The following SLC25A2 variants were observed in gnomAD, a reference collection of about 807,000 sequenced individuals.
SLC25A2 encodes the protein mitochondrial ornithine transporter 2.
A neutral mutation model predicts 7.4 loss-of-function variants in SLC25A2; 6 were observed. The ratio of observed to expected loss-of-function variants is 0.82; its 90% CI spans 0.45 to 1.61. The LOEUF is 1.61. Among genes scored for constraint, SLC25A2 ranks in the 40% most tolerant of loss-of-function variants. The pLI is 0.01. For synonymous variants in SLC25A2, 158 were observed against 153.4 expected (o/e 1.03, Z -0.22); for missense variants, 356 against 377.3 (o/e 0.94, Z 0.47).
Position 141,303,064 on chromosome 5 carries a change from C to T in SLC25A2, c.802G>A (p.Gly268Arg), listed in dbSNP as rs1554296020. ...GCTCGAATCATAGTAGCTTTCAGTC[C>T]AGAATATAAGGCTACTATTCCTTCA... ...RNEGIVALYSGLKATMIRAIP... is the reference protein window; with the variant it reads ...RNEGIVALYSRLKATMIRAIP... Residue 268 changes from glycine to arginine, a missense_variant, in exon 1 of 1, where the codon GGA becomes AGA. Transcript: ENST00000239451. 1.2e-6 allele frequency: 2 copies of T among 1,614,152 alleles called. No individual in the cohort carries two copies. The highest frequency in any genetic ancestry group is 1.3e-5 in the African/African-American group (1 of 75,026).
chr5:141,302,754 C>T lies in SLC25A2; in HGVS notation c.*206G>A. The T allele has an allele frequency of 1.8e-6, 1 of 545,082 alleles. No individual in the cohort carries two copies. The highest frequency in any genetic ancestry group is 2.6e-5 in the South Asian group (1 of 37,956). 33.8% of individuals were successfully genotyped at this position (545,082 alleles called of 1,614,324 possible). A position where few individuals can be genotyped will look rare whatever the true frequency, so the allele number is the denominator to read the frequency against. On this transcript the variant is annotated 3_prime_UTR_variant, in exon 1 of 1. Transcript: ENST00000239451. The stretch of plus-strand genomic sequence containing the variant: ...CAGCAAGTGCAAGAGCAGCAACTTT[C>T]CTATTTCAATACAATTATGGGCAGA...
chr5:141,303,825 GTGA>G lies in SLC25A2; in HGVS notation c.38_40del (p.Leu13_Thr14delinsPro), dbSNP rs782484139. 5 of 1,614,220 alleles carry G rather than the reference GTGA, an allele frequency of 3.1e-6. No individual in the cohort carries two copies. Among genetic ancestry groups the G allele is most frequent in the Non-Finnish European group, 4.2e-6 (5 of 1,180,030 alleles). ...CGCTGTCCCCCCTGCGGCCCCCGCT[GTGA>G]GGTCGATGGCGGCTTGGATGCCAGG... On this transcript the variant is annotated inframe_deletion, in exon 1 of 1. Transcript: ENST00000239451.
chr5:141,304,020 G>A lies in SLC25A2; in HGVS notation c.-155C>T. Reference sequence around the variant, plus strand: ...GTTCTGGGCTCTCACCCCAGTGCGGGGGAAGCCGCTCAACCCTACGCTCCG... The same window carrying A: ...GTTCTGGGCTCTCACCCCAGTGCGGAGGAAGCCGCTCAACCCTACGCTCCG... On this transcript the variant is annotated 5_prime_UTR_variant, in exon 1 of 1. Coordinates refer to ENST00000239451, the MANE Select transcript of SLC25A2 (RefSeq NM_031947.4). 3 of 837,774 alleles carry A rather than the reference G, an allele frequency of 3.6e-6. No homozygotes were observed. Among genetic ancestry groups the A allele is most frequent in the Non-Finnish European group, 5.5e-6 (3 of 547,346 alleles). The allele number at this position is 837,774 out of a possible 1,614,324, so 51.9% of individuals were successfully genotyped here.
At position 141,303,613 on chromosome 5, in the gene SLC25A2, A is replaced by G; in HGVS notation, c.253T>C (p.Tyr85His). The change falls in exon 1 of 1, where the codon TAC becomes CAC. Residue 85 changes from tyrosine (Y) to histidine (H), a missense_variant. By Grantham distance (83) the Tyr-to-His change is moderately conservative. Transcript: ENST00000239451. ...VAENSVLFMCYGFCQQFVRKV... is the reference protein window; with the variant it reads ...VAENSVLFMCHGFCQQFVRKV... ...CTGACAAACTGCTGGCAGAACCCGT[A>G]GCACATGAAGAGGACCGAGTTTTCG... The G allele has an allele frequency of 6.2e-7, 1 of 1,614,188 alleles. No individual in the cohort carries two copies. Among genetic ancestry groups the G allele is most frequent in the Non-Finnish European group, 8.5e-7 (1 of 1,180,032 alleles).
Position 141,303,573 on chromosome 5 carries a change from A to G in SLC25A2, c.293T>C (p.Met98Thr). ...ATCACTCAGCTTTGCCTGCTTGTCC[A>G]TTCCAGCCACTTTCCTGACAAACTG... ...CQQFVRKVAG[M>T]DKQAKLSDLQ... Residue 98 changes from methionine (M) to threonine (T), a missense_variant, in exon 1 of 1, where the codon ATG becomes ACG. Transcript: ENST00000239451. The G allele has an allele frequency of 6.2e-7, 1 of 1,614,206 alleles. No individual in the cohort carries two copies. Among genetic ancestry groups the G allele is most frequent in the Non-Finnish European group, 8.5e-7 (1 of 1,180,036 alleles).
Position 141,302,838 on chromosome 5 carries a change from G to A in SLC25A2, c.*122C>T, listed in dbSNP as rs189362695. ...AAGTTAAGATTTAGGGTAGAAGAAGGGAAGATAAAACCAAAATTCCCATGA... is the reference window on the plus strand; with the variant it reads ...AAGTTAAGATTTAGGGTAGAAGAAGAGAAGATAAAACCAAAATTCCCATGA... On this transcript the variant is annotated 3_prime_UTR_variant, in exon 1 of 1. Transcript: ENST00000239451. 228 of 908,642 alleles carry A rather than the reference G, an allele frequency of 2.5e-4. No homozygotes were observed. In the African/African-American group the frequency reaches 3.5e-3, roughly 14 times the overall value. 56.3% of individuals were successfully genotyped at this position (908,642 alleles called of 1,614,324 possible).
In SLC25A2 at chr5:141,303,491, G is replaced by A; in HGVS notation, c.375C>T (p.Cys125=). The change falls in exon 1 of 1, where the codon TGC becomes TGT. Residue 125 remains cysteine (C), a synonymous_variant. Transcript: ENST00000239451. Reference sequence around the variant, plus strand: ...GCCGGCACTTCACAAGCTCAGTGGGGCAGAGAGCCAGTGCAGCAAATGCAG... The same window carrying A: ...GCCGGCACTTCACAAGCTCAGTGGGACAGAGAGCCAGTGCAGCAAATGCAG... ...FASAFAALAL[C]PTELVKCRLQ... The A allele has an allele frequency of 6.2e-7, 1 of 1,614,200 alleles. No individual in the cohort carries two copies. Among genetic ancestry groups the A allele is most frequent in the South Asian group, 1.1e-5 (1 of 91,086 alleles).
In SLC25A2 at chr5:141,304,045, G is replaced by C; in HGVS notation, c.-180C>G. ...GGGAAGCCGCTCAACCCTACGCTCCGCCGCGGGCCGCCCCCTCCCCGCGCA... is the reference window on the plus strand; with the variant it reads ...GGGAAGCCGCTCAACCCTACGCTCCCCCGCGGGCCGCCCCCTCCCCGCGCA... On this transcript the variant is annotated 5_prime_UTR_variant, in exon 1 of 1. Coordinates refer to ENST00000239451, the MANE Select transcript of SLC25A2 (RefSeq NM_031947.4). 1 of 671,896 alleles carries C rather than the reference G, an allele frequency of 1.5e-6. No homozygotes were observed. 41.6% of individuals were successfully genotyped at this position (671,896 alleles called of 1,614,324 possible).
In SLC25A2 at chr5:141,303,272, A is replaced by C; in HGVS notation, c.594T>G (p.Phe198Leu). 1 of 1,614,220 alleles carries C rather than the reference A, an allele frequency of 6.2e-7. No homozygotes were observed. Among genetic ancestry groups the C allele is most frequent in the Non-Finnish European group, 8.5e-7 (1 of 1,180,024 alleles). The stretch of plus-strand genomic sequence containing the variant: ...GTTCATCTTTTGATCTCCCTGACGC[A>C]AAAAACGATCGGCTCAGTTCATAGC... ...FGGYELSRSFFASGRSKDELG... is the reference protein window; with the variant it reads ...FGGYELSRSFLASGRSKDELG... Residue 198 changes from phenylalanine (F) to leucine (L), a missense_variant, in exon 1 of 1, where the codon TTT (phenylalanine) becomes TTG (leucine). Transcript: ENST00000239451.
In SLC25A2 at chr5:141,302,925, A is replaced by T. The variant is rs1755927591; in HGVS notation, c.*35T>A. Reference sequence around the variant, plus strand: ...CCCTGTGATGAACTGTAGTCCTCAAACTCATGGACTCGGATCCAGGTTCAC... The same window carrying T: ...CCCTGTGATGAACTGTAGTCCTCAATCTCATGGACTCGGATCCAGGTTCAC... On this transcript the variant is annotated 3_prime_UTR_variant, in exon 1 of 1. Transcript: ENST00000239451. The T allele has an allele frequency of 6.3e-7, 1 of 1,584,988 alleles. No homozygotes were observed. The highest frequency in any genetic ancestry group is 1.8e-5 in the Admixed American group (1 of 56,898).
At position 141,303,824 on chromosome 5, in the gene SLC25A2, T is replaced by C; in HGVS notation, c.42A>G (p.Thr14=). ...ACGCTGTCCCCCCTGCGGCCCCCGC[T>C]GTGAGGTCGATGGCGGCTTGGATGC... The part of the protein sequence containing the change: ...GPGIQAAIDL[T]AGAAGGTACV... The change falls in exon 1 of 1, where the codon ACA becomes ACG. Residue 14 remains threonine (T), a synonymous_variant. Transcript: ENST00000239451. The C allele has an allele frequency of 6.2e-7, 1 of 1,614,194 alleles. No homozygotes were observed. Among genetic ancestry groups the C allele is most frequent in the South Asian group, 1.1e-5 (1 of 91,082 alleles).
At position 141,303,453 on chromosome 5, in the gene SLC25A2, T is replaced by C. The variant is rs199979167; in HGVS notation, c.413A>G (p.Tyr138Cys). The C allele has an allele frequency of 1.3e-5, 21 of 1,614,236 alleles. No homozygotes were observed. In the Admixed American group the frequency reaches 2.2e-4, roughly 17 times the overall value. Residue 138 changes from tyrosine to cysteine, a missense_variant, in exon 1 of 1, where the codon TAT becomes TGT. Physicochemically the swap from Tyr to Cys is radical, Grantham distance 194. Transcript: ENST00000239451. ...ELVKCRLQTM[Y>C]EMEMSGKIAK... ...TATCTTCCCTGACATCTCCATTTCA[T>C]ACATGGTCTGTAGCCGGCACTTCAC...
chr5:141,302,724 C>T lies in SLC25A2; in HGVS notation c.*236G>A, dbSNP rs1442947711. 8.2e-6 allele frequency: 4 copies of T among 487,340 alleles called. No homozygotes were observed. Among genetic ancestry groups the T allele is most frequent in the African/African-American group, 3.9e-5 (2 of 51,212 alleles). The allele number at this position is 487,340 out of a possible 1,614,324, so 30.2% of individuals were successfully genotyped here. On this transcript the variant is annotated 3_prime_UTR_variant, in exon 1 of 1. Coordinates refer to ENST00000239451, the MANE Select transcript of SLC25A2 (RefSeq NM_031947.4). ...ATAGGGCCAACCAGCCCACCCTGTA[C>T]ATTCCAGCAAGTGCAAGAGCAGCAA...
In SLC25A2 at chr5:141,303,278, CG is replaced by C. The variant is rs1423350970; in HGVS notation, c.587del (p.Ser196CysfsTer12). 24 of 1,614,078 alleles carry C rather than the reference CG, an allele frequency of 1.5e-5. No individual in the cohort carries two copies. The highest frequency in any genetic ancestry group is 2.0e-5 in the Non-Finnish European group (24 of 1,180,038). Reference sequence around the variant, plus strand: ...CTTTTGATCTCCCTGACGCAAAAAACGATCGGCTCAGTTCATAGCCACCAAA... The same window carrying C: ...CTTTTGATCTCCCTGACGCAAAAAACATCGGCTCAGTTCATAGCCACCAAA... Reference protein sequence around the residue: ...FFFGGYELSRSFFASGRSKDE... With the variant: ...FFFGGYELSRXFFASGRSKDE... On this transcript the variant is annotated frameshift_variant, in exon 1 of 1. Coordinates refer to ENST00000239451, the MANE Select transcript of SLC25A2 (RefSeq NM_031947.4). LOFTEE classifies it high-confidence loss of function.
At position 141,303,533 on chromosome 5, in the gene SLC25A2, G is replaced by C. The variant is rs782238065; in HGVS notation, c.333C>G (p.Ala111=). ...QAKLSDLQTA[A]AGSFASAFAA... ...CAAATGCAGAGGCGAAGGACCCCGC[G>C]GCTGCAGTCTGGAGATCACTCAGCT... Residue 111 remains alanine (A), a synonymous_variant, in exon 1 of 1, where the codon GCC becomes GCG. Coordinates refer to ENST00000239451, the MANE Select transcript of SLC25A2 (RefSeq NM_031947.4). 1 of 1,614,212 alleles carries C rather than the reference G, an allele frequency of 6.2e-7. No homozygotes were observed. Among genetic ancestry groups the C allele is most frequent in the Admixed American group, 1.7e-5 (1 of 60,028 alleles).
Position 141,303,503 on chromosome 5 carries a change from T to C in SLC25A2, c.363A>G (p.Ala121=). ...AAGSFASAFA[A]LALCPTELVK... ...CAAGCTCAGTGGGGCAGAGAGCCAGTGCAGCAAATGCAGAGGCGAAGGACC... is the reference window on the plus strand; with the variant it reads ...CAAGCTCAGTGGGGCAGAGAGCCAGCGCAGCAAATGCAGAGGCGAAGGACC... Residue 121 remains alanine (A), a synonymous_variant, in exon 1 of 1, where the codon GCA becomes GCG. Transcript: ENST00000239451. The C allele has an allele frequency of 4.3e-6, 7 of 1,614,218 alleles. No individual in the cohort carries two copies. The highest frequency in any genetic ancestry group is 5.9e-6 in the Non-Finnish European group (7 of 1,180,034).
In SLC25A2 at chr5:141,303,691, C is replaced by A; in HGVS notation, c.175G>T (p.Gly59Cys). The A allele has an allele frequency of 6.2e-7, 1 of 1,614,104 alleles. No homozygotes were observed. The highest frequency in any genetic ancestry group is 1.3e-5 in the African/African-American group (1 of 75,050). The change falls in exon 1 of 1, where the codon GGT becomes TGT. Residue 59 changes from glycine to cysteine, a missense_variant. Physicochemically the swap from Gly to Cys is radical, Grantham distance 159 (BLOSUM62 -3). Coordinates refer to ENST00000239451, the MANE Select transcript of SLC25A2 (RefSeq NM_031947.4). ...GTGCCCTTGTAGAAGCCCCGGAGAC[C>A]CACTTGAGCGTATGTCTTCAGGAAG... ...DCFLKTYAQVGLRGFYKGTGP... is the reference protein window; with the variant it reads ...DCFLKTYAQVCLRGFYKGTGP...
chr5:141,302,893 T>C lies in SLC25A2; in HGVS notation c.*67A>G. 4 of 1,524,720 alleles carry C rather than the reference T, an allele frequency of 2.6e-6. No individual in the cohort carries two copies. Among genetic ancestry groups the C allele is most frequent in the Middle Eastern group, 3.5e-4 (2 of 5,702 alleles). The allele number at this position is 1,524,720 out of a possible 1,614,324, so 94.4% of individuals were successfully genotyped here. On this transcript the variant is annotated 3_prime_UTR_variant, in exon 1 of 1. Coordinates refer to ENST00000239451, the MANE Select transcript of SLC25A2 (RefSeq NM_031947.4). ...AAAATTAGACAGTGGTCTTGTACTC[T>C]GCTGAACCCTGTGATGAACTGTAGT...
In SLC25A2 at chr5:141,303,113, A is replaced by T; in HGVS notation, c.753T>A (p.Gly251=). 1 of 1,614,252 alleles carries T rather than the reference A, an allele frequency of 6.2e-7. No individual in the cohort carries two copies. The highest frequency in any genetic ancestry group is 8.5e-7 in the Non-Finnish European group (1 of 1,180,048). The change falls in exon 1 of 1, where the codon GGT becomes GGA. Residue 251 remains glycine, a synonymous_variant. Transcript: ENST00000239451. ...SMYGKQAGFI[G]TLLSVVRNEG... is the part of the protein sequence containing the mutation. ...CATTTCTCACAACACTTAAGAGGGT[A>T]CCAATAAATCCTGCCTGTTTCCCAT...
Sources: gnomAD v4.1 joint callset for allele counts on GRCh38, gnomAD v4.1.1 for gene constraint, MANE v1.5 for transcripts, NCBI Gene and HGNC (gene_info 2026-07-23, HGNC 2026-07-21) for gene names.